NXN: variants seen among roughly 807,000 people sequenced by gnomAD.
The protein encoded by NXN is nucleoredoxin, also known as nucleoredoxin 1.
NXN carries 16 observed loss-of-function variants against 48.6 expected under a neutral mutation model. The observed-to-expected ratio is 0.33, with a 90% confidence interval of 0.22 to 0.50. NXN has a LOEUF of 0.50. NXN is among the 20% of genes least tolerant of loss of function. The pLI is 0.98. For missense variants in NXN, 492 were observed against 605.5 expected (o/e 0.81, Z 1.97); for synonymous variants, 281 against 269.6 (o/e 1.04, Z -0.41).
At chr17:894,200 G>GCA (rs1312666543) in intron 1 of NXN, among the ~76,000 whole-genome samples, 1 of 7,860 alleles carries the variant, frequency 1.3e-4, no homozygotes, top group East Asian at 4.5e-3. Context: ...CATCTCAAAC[G>GCA]CCCTGGAAGC....
chr17:806,476 C>T (rs56919036), intron 5 of NXN, among the ~76,000 whole-genome samples: 9,303 of 152,058 alleles, frequency 0.061, 823 homozygotes, highest in African/African-American at 0.19. Flanking sequence ...TTCTTTTTAC[C>T]CCACTCCCCG....
rs1036692367 is a variant in NXN, at chr17:805,315, C to T, written c.821-68G>A. On this transcript the variant is annotated intron_variant, in intron 5 of 7. Transcript: ENST00000336868. The stretch of plus-strand genomic sequence containing the variant: ...CTGGCCCTGCCTGGCAGGAGGCTCG[C>T]GGGGTCCAGCCCGGGGTCCCCCCGA... 5.5e-5 allele frequency: 83 copies of T among 1,505,112 alleles called. 1 individual carries two copies. The highest frequency in any genetic ancestry group is 1.0e-4 in the South Asian group (8 of 77,456). The allele number at this position is 1,505,112 out of a possible 1,614,324, so 93.2% of individuals were successfully genotyped here.
chr17:874,158 C>T lies in NXN; in HGVS notation c.361-48080G>A, dbSNP rs2068189611. Among the ~76,000 whole-genome samples, 5 of 152,154 alleles carry T rather than the reference C, an allele frequency of 3.3e-5. 1 individual carries two copies. The highest frequency in any genetic ancestry group is 2.0e-4 in the Admixed American group (3 of 15,276). On this transcript the variant is annotated intron_variant, in intron 1 of 7. Transcript: ENST00000336868. Reference sequence around the variant, plus strand: ...ACGGTTTTATAAGGGACTCGTCCCCCTTCTGCTCATCCTTCTCCTTCCTGC... The same window carrying T: ...ACGGTTTTATAAGGGACTCGTCCCCTTTCTGCTCATCCTTCTCCTTCCTGC...
At chr17:852,518 AG>A (rs921947770) in intron 1 of NXN, among the ~76,000 whole-genome samples, 1 of 152,158 alleles carries the variant, frequency 6.6e-6, no homozygotes, top group Non-Finnish European at 1.5e-5. Flanking sequence ...AGAAAATTTC[AG>A]GGGAGGGGAA....
chr17:804,047 C>T (rs1567807011), intron 6 of NXN: 2 of 534,060 alleles, frequency 3.7e-6, no homozygotes, highest in East Asian at 6.6e-5. Context: ...AGGAACCTGC[C>T]TCACTGAGCA....
intron 1 of NXN, among the ~76,000 whole-genome samples, chr17:944,510 A>G (rs1242083658): frequency 2.6e-5 from 4 of 152,206 alleles, no homozygotes; most frequent in Non-Finnish European, 5.9e-5. Flanking sequence ...CTCTCAGCTG[A>G]GCAGATGGCA....
At chr17:826,381 T>C (rs1384014309) in intron 1 of NXN, among the ~76,000 whole-genome samples, 2 of 151,926 alleles carry the variant, frequency 1.3e-5, no homozygotes, top group Non-Finnish European at 2.9e-5. Flanking sequence ...CTGGCCCCCA[T>C]AGTCTGCAAC....
At chr17:868,699 A>G (rs961053818) in intron 1 of NXN, among the ~76,000 whole-genome samples, 3 of 152,022 alleles carry the variant, frequency 2.0e-5, no homozygotes, top group South Asian at 2.1e-4. Flanking sequence ...TCACCACGTT[A>G]GCCAGGATGG....
At chr17:873,163 GC>G (rs1446984124) in intron 1 of NXN, among the ~76,000 whole-genome samples, 1 of 152,112 alleles carries the variant, frequency 6.6e-6, no homozygotes, top group Non-Finnish European at 1.5e-5. Context: ...AGCTCTTGGG[GC>G]TTCTTAGCTT....
At chr17:887,141 T>C (rs922587441) in intron 1 of NXN, among the ~76,000 whole-genome samples, 1 of 151,974 alleles carries the variant, frequency 6.6e-6, no homozygotes, top group Non-Finnish European at 1.5e-5. Flanking sequence ...GGTCTCGAAC[T>C]CCTGGCCTCA....
chr17:878,478 G>A (rs2068244499), intron 1 of NXN, among the ~76,000 whole-genome samples: 1 of 131,006 alleles, frequency 7.6e-6, no homozygotes, highest in Admixed American at 7.6e-5. Context: ...TGAAGGTGGG[G>A]TGTGGGGGCA....
intron 2 of NXN, 125 bp from the exon 3 acceptor site, chr17:823,890 G>GC: frequency 1.2e-6 from 1 of 862,658 alleles, no homozygotes; most frequent in Non-Finnish European, 1.8e-6. Flanking sequence ...CAGAGCGGCA[G>GC]GCGTGACAAG....
intron 1 of NXN, among the ~76,000 whole-genome samples, chr17:971,678 C>A (rs1432650693): frequency 6.6e-6 from 1 of 151,986 alleles, no homozygotes; most frequent in Non-Finnish European, 1.5e-5. Context: ...CCACTGCACT[C>A]CAGCCTGGGT....
intron 1 of NXN, among the ~76,000 whole-genome samples, chr17:851,854 C>T (rs1047705848): frequency 1.1e-4 from 17 of 152,234 alleles, no homozygotes; most frequent in African/African-American, 3.9e-4. Flanking sequence ...TGATCTGTCT[C>T]GCGTTGCCTG....
At chr17:926,543 T>TG (rs1450929507) in intron 1 of NXN, among the ~76,000 whole-genome samples, 1 of 67,050 alleles carries the variant, frequency 1.5e-5, no homozygotes. Flanking sequence ...TGTTTTTTTT[T>TG]TGTTTTTTTG....
At position 823,871 on chromosome 17, in the gene NXN, G is replaced by A. The variant is rs994949407; in HGVS notation, c.479-106C>T. 20 of 1,172,342 alleles carry A rather than the reference G, an allele frequency of 1.7e-5. No individual in the cohort carries two copies. In the African/African-American group the frequency reaches 2.0e-4, roughly 12 times the overall value. 72.6% of individuals were successfully genotyped at this position (1,172,342 alleles called of 1,614,324 possible). On this transcript the variant is annotated intron_variant, in intron 2 of 7. Coordinates refer to ENST00000336868, the MANE Select transcript of NXN (RefSeq NM_022463.5). The stretch of plus-strand genomic sequence containing the variant: ...GACTCTTCTTGATGACCTGGGACCC[G>A]GGAGACCTCAGAGCGGCAGGCGTGA...
chr17:972,246 G>C (rs2069392470), intron 1 of NXN, among the ~76,000 whole-genome samples: 1 of 152,064 alleles, frequency 6.6e-6, no homozygotes. Context: ...AGGTCACGGT[G>C]AGCTGAGATG....
chr17:838,065 G>A (rs1913925080), intron 1 of NXN, among the ~76,000 whole-genome samples: 1 of 151,592 alleles, frequency 6.6e-6, no homozygotes, highest in African/African-American at 2.4e-5. Flanking sequence ...CTGGGTAGAA[G>A]GGGATTTAAA....
chr17:951,274 C>T (rs1176280984), intron 1 of NXN, among the ~76,000 whole-genome samples: 9 of 149,180 alleles, frequency 6.0e-5, no homozygotes, highest in South Asian at 2.1e-4. Context: ...TGCTTGAACC[C>T]GGGAGACAGA....
Sources: allele counts gnomAD v4.1 joint callset (sites outside exome capture counted in the v4.1 genomes callset), GRCh38; gene constraint gnomAD v4.1.1; transcripts MANE v1.5; gene names NCBI Gene and HGNC (gene_info 2026-07-23, HGNC 2026-07-21).